The following NRG3 variants were observed in gnomAD, a reference collection of about 807,000 sequenced individuals.
The protein encoded by NRG3 is pro-neuregulin-3, membrane-bound isoform.
In NRG3, 31 loss-of-function variants were observed where a neutral mutation model predicts 66.9. That is an observed-to-expected ratio of 0.46 (90% CI 0.35 to 0.63). NRG3 has a LOEUF of 0.63. Among genes scored for constraint, NRG3 ranks in the 20% least tolerant of loss-of-function variants. The probability of loss-of-function intolerance (pLI) is 0.00; values close to 1 mark genes in which losing one functional copy is unlikely to be tolerated. For missense variants in NRG3, 910 were observed against 878.9 expected (o/e 1.04, Z -0.45); for synonymous variants, 393 against 359.4 (o/e 1.09, Z -1.06).
intron 2 of NRG3, among the ~76,000 whole-genome samples, chr10:82,429,239 C>G (rs2089641982): frequency 1.3e-5 from 2 of 151,950 alleles, no homozygotes; most frequent in African/African-American, 4.8e-5. Flanking sequence ...AAAGAAAATC[C>G]TTACAAAACA....
At chr10:82,091,058 A>T (rs1358614662) in intron 1 of NRG3, among the ~76,000 whole-genome samples, 6 of 151,432 alleles carry the variant, frequency 4.0e-5, no homozygotes, top group Non-Finnish European at 8.8e-5. Context: ...ACCTAAGACT[A>T]GTTTGTTTTT....
chr10:81,903,711 C>G (rs900097587), intron 1 of NRG3, among the ~76,000 whole-genome samples: 2 of 152,196 alleles, frequency 1.3e-5, no homozygotes, highest in Non-Finnish European at 2.9e-5. Flanking sequence ...CAAGGCCTTG[C>G]CCAAGCAACA....
chr10:82,632,179 A>G (rs1357865040), intron 2 of NRG3, among the ~76,000 whole-genome samples: 1 of 152,162 alleles, frequency 6.6e-6, no homozygotes, highest in Non-Finnish European at 1.5e-5. Flanking sequence ...ATAACATTCT[A>G]ACCCATTTAC....
Position 82,756,211 on chromosome 10 carries a change from T to A in NRG3, c.1027+17561T>A, listed in dbSNP as rs116054847. Among the ~76,000 whole-genome samples the A allele has an allele frequency of 1.8e-3, 274 of 152,224 alleles. 1 individual carries two copies. The highest frequency in any genetic ancestry group is 5.4e-3 in the African/African-American group (223 of 41,548). ...ACTCCTGTGAGCTCTTATCCATCAT[T>A]CTGGACTTCAGCAGCTGCTCTTCAG... On this transcript the variant is annotated intron_variant, in intron 3 of 8. Coordinates refer to ENST00000372141, the MANE Select transcript of NRG3 (RefSeq NM_001010848.4).
At chr10:82,452,497 T>C (rs532721327) in intron 2 of NRG3, among the ~76,000 whole-genome samples, 44 of 152,326 alleles carry the variant, frequency 2.9e-4, no homozygotes, top group African/African-American at 1.1e-3. Context: ...AAGTTGAAAT[T>C]CCTTTTTGTT....
At chr10:82,001,982 C>A (rs552349751) in intron 1 of NRG3, among the ~76,000 whole-genome samples, 2 of 152,238 alleles carry the variant, frequency 1.3e-5, no homozygotes, top group South Asian at 4.2e-4. Flanking sequence ...TGCAAAACCT[C>A]TTCATAAAAT....
At chr10:81,949,235 C>T (rs1453716174) in intron 1 of NRG3, among the ~76,000 whole-genome samples, 1 of 152,052 alleles carries the variant, frequency 6.6e-6, no homozygotes, top group Non-Finnish European at 1.5e-5. Context: ...TTCAGTGTGA[C>T]CCAAGGCCCT....
intron 1 of NRG3, among the ~76,000 whole-genome samples, chr10:81,949,733 A>G (rs1329317568): frequency 6.6e-6 from 1 of 152,220 alleles, no homozygotes; most frequent in Non-Finnish European, 1.5e-5. Context: ...CCAGTTACCT[A>G]TGTCTCTGAG....
intron 2 of NRG3, among the ~76,000 whole-genome samples, chr10:82,639,743 A>T (rs1565155119): frequency 6.6e-6 from 1 of 152,186 alleles, no homozygotes; most frequent in East Asian, 1.9e-4. Context: ...ATTTCTTGGT[A>T]ATGGCTGAAA....
rs575125987 is a variant in NRG3 at position 81,899,686 on chromosome 10, G to A, written c.823+23523G>A. On this transcript the variant is annotated intron_variant, in intron 1 of 8. Coordinates refer to ENST00000372141, the MANE Select transcript of NRG3 (RefSeq NM_001010848.4). Reference sequence around the variant, plus strand: ...ACTGAAGCTGCCCTGGGACCATGAAGCTACAGGCCTGAAGATGAAGGGCCT... The same window carrying A: ...ACTGAAGCTGCCCTGGGACCATGAAACTACAGGCCTGAAGATGAAGGGCCT... Among the ~76,000 whole-genome samples, 177 of 152,316 alleles carry A rather than the reference G, an allele frequency of 1.2e-3. 1 individual carries two copies. Among genetic ancestry groups the A allele is most frequent in the Middle Eastern group, 0.01 (3 of 294 alleles).
At chr10:82,649,360 TG>T (rs1415288348) in intron 2 of NRG3, among the ~76,000 whole-genome samples, 16 of 152,062 alleles carry the variant, frequency 1.1e-4, no homozygotes, top group African/African-American at 3.9e-4. Context: ...CTAAAGTATC[TG>T]CTCTAAGAGG....
intron 2 of NRG3, among the ~76,000 whole-genome samples, chr10:82,463,276 T>C (rs1462579156): frequency 6.6e-6 from 1 of 152,234 alleles, no homozygotes; most frequent in African/African-American, 2.4e-5. Context: ...TAATTCATTA[T>C]AATTAGTCTT....
chr10:82,570,566 T>C (rs887911688), intron 2 of NRG3, among the ~76,000 whole-genome samples: 11 of 151,544 alleles, frequency 7.3e-5, no homozygotes, highest in Admixed American at 2.0e-4. Flanking sequence ...AACTGTGTAT[T>C]GAGATTGACT....
intron 1 of NRG3, among the ~76,000 whole-genome samples, chr10:81,912,333 T>G (rs1231072896): frequency 1.3e-5 from 2 of 152,168 alleles, no homozygotes; most frequent in Non-Finnish European, 2.9e-5. Flanking sequence ...GTGATCCTCC[T>G]GCCTCAGCCT....
rs1491278043 is a variant in NRG3, at chr10:82,408,144, A to AAAG, written c.953+49278_953+49279insGAA. Among the ~76,000 whole-genome samples the AAAG allele has an allele frequency of 5.4e-3, 796 of 146,402 alleles. 5 individuals carry two copies. Among genetic ancestry groups the AAAG allele is most frequent in the Non-Finnish European group, 7.4e-3 (492 of 66,806 alleles). On this transcript the variant is annotated intron_variant, in intron 2 of 8. Transcript: ENST00000372141. ...GAAAGAAAGAAAGAAAGAAAGAAAG[A>AAAG]AAAGAAAAAGAAAAGTAACAATTTG...
chr10:82,870,819 G>T (rs1229870546), intron 4 of NRG3, among the ~76,000 whole-genome samples: 2 of 152,070 alleles, frequency 1.3e-5, no homozygotes, highest in African/African-American at 4.8e-5. Context: ...TTTGAAAAAT[G>T]ATCCTTTATT....
At chr10:82,148,794 C>T (rs564680103) in intron 1 of NRG3, among the ~76,000 whole-genome samples, 41 of 152,150 alleles carry the variant, frequency 2.7e-4, no homozygotes, top group Non-Finnish European at 4.9e-4. Context: ...CTTTTTTTCT[C>T]CTGGCTGAAC....
chr10:82,222,705 T>A (rs2075999049), intron 1 of NRG3, among the ~76,000 whole-genome samples: 1 of 152,214 alleles, frequency 6.6e-6, no homozygotes, highest in Non-Finnish European at 1.5e-5. Flanking sequence ...GTTCTCTGTA[T>A]CCACCGTGTT....
intron 1 of NRG3, among the ~76,000 whole-genome samples, chr10:82,253,169 C>T (rs1458100433): frequency 6.6e-6 from 1 of 152,190 alleles, no homozygotes; most frequent in African/African-American, 2.4e-5. Flanking sequence ...TTATCAAACA[C>T]CCTCTGTTAC....
Sources: allele counts gnomAD v4.1 joint callset (sites outside exome capture counted in the v4.1 genomes callset), GRCh38; gene constraint gnomAD v4.1.1; transcripts MANE v1.5; gene names NCBI Gene and HGNC (gene_info 2026-07-23, HGNC 2026-07-21).